ZNF608: variants seen among roughly 807,000 people sequenced by gnomAD.
The protein encoded by ZNF608 is renal carcinoma antigen NY-REN-36.
Under a neutral mutation model 109.0 loss-of-function variants are expected in ZNF608, and 12 were observed. The ratio of observed to expected loss-of-function variants is 0.11; its 90% CI spans 0.07 to 0.18. The LOEUF is 0.18. Ranked by LOEUF, ZNF608 falls within the 10% of genes least tolerant of loss-of-function variation. The probability of loss-of-function intolerance (pLI) is 1.00; values close to 1 mark genes in which losing one functional copy is unlikely to be tolerated. For missense variants in ZNF608, 1,707 were observed against 1,879.3 expected (o/e 0.91, Z 1.70); for synonymous variants, 732 against 717.4 (o/e 1.02, Z -0.33).
chr5:124,724,238 G>A (rs1417114364), intron 2 of ZNF608, among the ~76,000 whole-genome samples: 4 of 151,944 alleles, frequency 2.6e-5, no homozygotes, highest in Non-Finnish European at 4.4e-5. Flanking sequence ...TTGAACATAC[G>A]GGGACTATTT....
At chr5:124,709,040 C>T (rs559846516) in intron 2 of ZNF608, among the ~76,000 whole-genome samples, 6 of 151,710 alleles carry the variant, frequency 4.0e-5, no homozygotes, top group East Asian at 1.9e-4. Context: ...GGCGTGGTAG[C>T]GGCTCCTGTA....
Position 124,638,858 on chromosome 5 carries a change from A to G in ZNF608, c.4532+275T>C, listed in dbSNP as rs769971785. ...TAATAAAACAAAGGGAGTCATGGTG[A>G]ATTATTTTAGAAATGCCGTAAGGAT... On this transcript the variant is annotated intron_variant, in intron 9 of 9. Transcript: ENST00000513986. 7.9e-5 allele frequency: 89 copies of G among 1,129,194 alleles called. 1 individual carries two copies. The South Asian group carries it at 1.6e-3, about 20-fold the overall frequency. The allele number at this position is 1,129,194 out of a possible 1,614,324, so 69.9% of individuals were successfully genotyped here. A position where few individuals can be genotyped will look rare whatever the true frequency, so the allele number is the denominator to read the frequency against.
At chr5:124,700,355 A>G (rs1201135057) in intron 3 of ZNF608, among the ~76,000 whole-genome samples, 2 of 152,254 alleles carry the variant, frequency 1.3e-5, no homozygotes, top group Admixed American at 6.5e-5. Context: ...TTATATTCCA[A>G]TAGCAATGAT....
At chr5:124,745,234 A>G (rs1325691979) in intron 1 of ZNF608, 62 bp from the exon 2 acceptor site, 5 of 1,350,538 alleles carry the variant, frequency 3.7e-6, no homozygotes, top group Non-Finnish European at 4.7e-6. Flanking sequence ...ATAAAAAACG[A>G]TTAGTATTGG....
chr5:124,746,184 A>G lies in ZNF608; in HGVS notation c.-184+11T>C, dbSNP rs1229973555. The G allele has an allele frequency of 1.0e-6, 1 of 985,314 alleles. No individual in the cohort carries two copies. Among genetic ancestry groups the G allele is most frequent in the African/African-American group, 1.7e-5 (1 of 57,242 alleles). The allele number at this position is 985,314 out of a possible 1,614,324, so 61.0% of individuals were successfully genotyped here. A position where few individuals can be genotyped will look rare whatever the true frequency, so the allele number is the denominator to read the frequency against. ...TACACACACACATACACACACACAG[A>G]CATTGCTTACCTTTTAATCCTTTAT... On this transcript the variant is annotated intron_variant, in intron 1 of 9. Coordinates refer to ENST00000513986, the MANE Select transcript of ZNF608 (RefSeq NM_020747.3).
intron 3 of ZNF608, among the ~76,000 whole-genome samples, chr5:124,665,696 C>T (rs4836106): frequency 0.32 from 48,860 of 152,052 alleles, 9,028 homozygotes; most frequent in African/African-American, 0.51. Context: ...TCCAGTTTTA[C>T]TGGACTATTA....
intron 7 of ZNF608, among the ~76,000 whole-genome samples, chr5:124,642,687 A>G (rs1305940085): frequency 1.7e-5 from 2 of 120,700 alleles, no homozygotes; most frequent in Non-Finnish European, 3.5e-5. Flanking sequence ...CAGATTTTCT[A>G]TTGTCTTTTT....
intron 2 of ZNF608, among the ~76,000 whole-genome samples, chr5:124,709,501 T>C (rs983696936): frequency 2.6e-5 from 4 of 152,224 alleles, no homozygotes; most frequent in Non-Finnish European, 5.9e-5. Flanking sequence ...CTCAAAGGCC[T>C]TGAACTGTGT....
intron 3 of ZNF608, among the ~76,000 whole-genome samples, chr5:124,674,506 T>TCCTA (rs1258491595): frequency 6.6e-6 from 1 of 152,230 alleles, no homozygotes; most frequent in African/African-American, 2.4e-5. Flanking sequence ...ACAAACTAAC[T>TCCTA]CATTAAAAAA....
chr5:124,660,937 C>G (rs566140864), intron 3 of ZNF608, among the ~76,000 whole-genome samples: 1 of 151,434 alleles, frequency 6.6e-6, no homozygotes, highest in Non-Finnish European at 1.5e-5. Flanking sequence ...CTCAGTTATG[C>G]GCATCTACAC....
At chr5:124,639,018 C>A (rs1750111699) in intron 9 of ZNF608, 115 bp downstream of exon 9, 1 of 1,008,020 alleles carries the variant, frequency 9.9e-7, no homozygotes, top group Non-Finnish European at 1.5e-6. Flanking sequence ...ACATTCATTA[C>A]AATGATATAA....
upstream of ZNF608, chr5:124,746,833 A>C: frequency 1.1e-5 from 10 of 929,548 alleles, no homozygotes; most frequent in Non-Finnish European, 1.2e-5. Context: ...GAGGAGAAGA[A>C]AGGGTGGGAT....
intron 3 of ZNF608, among the ~76,000 whole-genome samples, chr5:124,669,873 A>G (rs533429005): frequency 1.3e-5 from 2 of 152,226 alleles, no homozygotes; most frequent in South Asian, 2.1e-4. Flanking sequence ...AGAAAAATGT[A>G]CATTATACAA....
intron 2 of ZNF608, among the ~76,000 whole-genome samples, chr5:124,713,358 A>C (rs997583613): frequency 1.3e-5 from 2 of 152,212 alleles, no homozygotes; most frequent in Non-Finnish European, 2.9e-5. Flanking sequence ...CCCACGGTCC[A>C]AATCTGGCCC....
At chr5:124,724,523 A>G (rs1580699527) in intron 2 of ZNF608, among the ~76,000 whole-genome samples, 1 of 142,402 alleles carries the variant, frequency 7.0e-6, no homozygotes, top group Non-Finnish European at 1.5e-5. Flanking sequence ...AAAGACTGGC[A>G]TTTCTATTTA....
intron 2 of ZNF608, among the ~76,000 whole-genome samples, chr5:124,723,020 T>A (rs1459313837): frequency 6.6e-6 from 1 of 151,814 alleles, no homozygotes; most frequent in Non-Finnish European, 1.5e-5. Context: ...AGTAGGAGAC[T>A]TTAAAAAAAA....
At chr5:124,651,933 C>T (rs1005292377) in intron 3 of ZNF608, among the ~76,000 whole-genome samples, 1 of 152,248 alleles carries the variant, frequency 6.6e-6, no homozygotes, top group Non-Finnish European at 1.5e-5. Context: ...CAGGCTCATT[C>T]GCACTAACGA....
chr5:124,664,968 G>A (rs1166979461), intron 3 of ZNF608, among the ~76,000 whole-genome samples: 1 of 152,110 alleles, frequency 6.6e-6, no homozygotes, highest in Non-Finnish European at 1.5e-5. Flanking sequence ...GAGGTCAGGA[G>A]TTTGAGACCA....
intron 2 of ZNF608, among the ~76,000 whole-genome samples, chr5:124,715,683 A>T (rs1273369290): frequency 6.6e-6 from 1 of 152,206 alleles, no homozygotes; most frequent in African/African-American, 2.4e-5. Context: ...TACTGCTTTT[A>T]AACAGAAAAT....
Sources: allele counts gnomAD v4.1 joint callset (sites outside exome capture counted in the v4.1 genomes callset), GRCh38; gene constraint gnomAD v4.1.1; transcripts MANE v1.5; gene names NCBI Gene and HGNC (gene_info 2026-07-23, HGNC 2026-07-21).